PNISR: variants seen among roughly 807,000 people sequenced by gnomAD.
The protein encoded by PNISR is PNN interacting serine and arginine rich protein, also known as arginine/serine-rich protein PNISR.
In PNISR, 20 loss-of-function variants were observed where a neutral mutation model predicts 93.4. The ratio of observed to expected loss-of-function variants is 0.21; its 90% CI spans 0.15 to 0.31. PNISR has a LOEUF of 0.31. Among genes scored for constraint, PNISR ranks in the 10% least tolerant of loss-of-function variants. The pLI, the probability that PNISR is intolerant of heterozygous loss-of-function variation, is 1.00. For synonymous variants in PNISR, 305 were observed against 306.5 expected, an observed-to-expected ratio of 0.99 and a Z score of 0.05; for missense variants, 893 against 985.4, an observed-to-expected ratio of 0.91 and a Z score of 1.25.
At chr6:99,401,922 A>G (rs1775553652) in intron 11 of PNISR, among the ~76,000 whole-genome samples, 1 of 152,210 alleles carries the variant, frequency 6.6e-6, no homozygotes, top group Admixed American at 6.5e-5. Context: ...ATTTATACCC[A>G]CAGCACATGC....
chr6:99,404,731 C>A, intron 8 of PNISR, 29 bp from the exon 9 acceptor site: 1 of 1,110,276 alleles, frequency 9.0e-7, no homozygotes, highest in South Asian at 1.3e-5. Context: ...TACAGTATTT[C>A]TAATTATTAT....
chr6:99,404,437 A>G, intron 9 of PNISR, 166 bp downstream of exon 9: 1 of 650,880 alleles, frequency 1.5e-6, no homozygotes. Flanking sequence ...AAATATTTGT[A>G]TAGCTTTAAT....
chr6:99,403,936 T>G, intron 9 of PNISR, 54 bp from the exon 10 acceptor site: 1 of 1,293,776 alleles, frequency 7.7e-7, no homozygotes, highest in African/African-American at 1.5e-5. Flanking sequence ...AGCCACGATT[T>G]CATAGTCATG....
At chr6:99,405,260 T>C (rs868133888) in intron 8 of PNISR, among the ~76,000 whole-genome samples, 1 of 152,120 alleles carries the variant, frequency 6.6e-6, no homozygotes, top group Middle Eastern at 3.4e-3. Flanking sequence ...AGGTCAGGTG[T>C]TCGACACCAG....
intron 3 of PNISR, 140 bp from the exon 4 acceptor site, chr6:99,412,879 T>A (rs543892866): frequency 8.3e-5 from 40 of 482,818 alleles, no homozygotes; most frequent in East Asian, 2.3e-4. Context: ...ATTAGAAAAA[T>A]TTTTTTTGAA....
At chr6:99,414,899 A>G (rs1777467850) in intron 2 of PNISR, 1 of 313,570 alleles carries the variant, frequency 3.2e-6, no homozygotes, top group Non-Finnish European at 5.7e-6. Context: ...GGTGGCAAGC[A>G]TAACACAATG....
In PNISR at chr6:99,402,573, CTTT is replaced by C; in HGVS notation, c.1291_1293del (p.Lys431del). On this transcript the variant is annotated inframe_deletion, in exon 11 of 12. Coordinates refer to ENST00000369239, the MANE Select transcript of PNISR (RefSeq NM_032870.4). ...TGTTTATCATGTAATAGCTGCTGTT[CTTT>C]TTCTTTTCTCCAAAAAGCTTCCTGT... 1 of 1,613,396 alleles carries C rather than the reference CTTT, an allele frequency of 6.2e-7. No homozygotes were observed. The highest frequency in any genetic ancestry group is 1.1e-5 in the South Asian group (1 of 91,010).
intron 1 of PNISR, among the ~76,000 whole-genome samples, chr6:99,416,758 ATTAAC>A (rs1476486978): frequency 1.3e-5 from 2 of 152,234 alleles, no homozygotes; most frequent in Non-Finnish European, 2.9e-5. Flanking sequence ...TCCACCTATT[ATTAAC>A]TTAGATGATA....
chr6:99,406,106 G>T lies in PNISR; in HGVS notation c.927C>A (p.Thr309=). ...CTTGAGGAACTGGGGATGGACTTCT[G>T]GTGACTTTCCCACTACTTGCAGCCT... ...NVEAASSGKV[T]RSPSPVPQEE... Residue 309 remains threonine, a synonymous_variant, in exon 8 of 12, where the codon ACC becomes ACA. Transcript: ENST00000369239. 6.2e-7 allele frequency: 1 copy of T among 1,608,454 alleles called. No homozygotes were observed. Among genetic ancestry groups the T allele is most frequent in the Non-Finnish European group, 8.5e-7 (1 of 1,174,932 alleles).
chr6:99,407,202 C>T (rs920415780), intron 7 of PNISR, among the ~76,000 whole-genome samples: 1 of 151,526 alleles, frequency 6.6e-6, no homozygotes, highest in African/African-American at 2.4e-5. Flanking sequence ...CGCCTGTAGC[C>T]CTAGCTACTT....
chr6:99,422,037 T>C (rs1250535602), intron 1 of PNISR, among the ~76,000 whole-genome samples: 1 of 152,020 alleles, frequency 6.6e-6, no homozygotes, highest in African/African-American at 2.4e-5. Flanking sequence ...GGATAATGTT[T>C]GTATTTTTTA....
intron 7 of PNISR, among the ~76,000 whole-genome samples, chr6:99,407,704 C>A (rs1325395698): frequency 6.6e-6 from 1 of 152,126 alleles, no homozygotes; most frequent in Non-Finnish European, 1.5e-5. Context: ...CAAAAACAAT[C>A]AAAATTATTA....
rs751116052 is a variant in PNISR, at chr6:99,409,166, T to C, written c.673+7A>G. The C allele has an allele frequency of 1.2e-6, 2 of 1,611,426 alleles. No individual in the cohort carries two copies. Among genetic ancestry groups the C allele is most frequent in the Non-Finnish European group, 1.7e-6 (2 of 1,177,782 alleles). ...TTGTGGTCCACTAAACTAAGTTAAATAGCTACCAATTTGTGGAGGCTCCTG... is the reference window on the plus strand; with the variant it reads ...TTGTGGTCCACTAAACTAAGTTAAACAGCTACCAATTTGTGGAGGCTCCTG... On this transcript the variant is annotated splice_region_variant and intron_variant, in intron 6 of 11. Transcript: ENST00000369239.
chr6:99,423,475 T>TG (rs946503667), intron 1 of PNISR, among the ~76,000 whole-genome samples: 1 of 151,810 alleles, frequency 6.6e-6, no homozygotes, highest in Non-Finnish European at 1.5e-5. Flanking sequence ...TAAAAAGGGG[T>TG]GGGGGAAGTA....
intron 8 of PNISR, among the ~76,000 whole-genome samples, chr6:99,405,403 G>A (rs1776031867): frequency 6.6e-6 from 1 of 152,104 alleles, no homozygotes; most frequent in Non-Finnish European, 1.5e-5. Context: ...GGAGGCAGAG[G>A]TTGCAGTGAG....
chr6:99,411,728 C>G (rs1304971186), intron 4 of PNISR: 1 of 154,230 alleles, frequency 6.5e-6, no homozygotes, highest in Non-Finnish European at 1.4e-5. Context: ...AATCCTCCCA[C>G]CTCAGCCTCC....
chr6:99,412,838 A>C (rs1295367774), intron 3 of PNISR, 99 bp from the exon 4 acceptor site: 37 of 756,122 alleles, frequency 4.9e-5, no homozygotes, highest in Non-Finnish European at 6.4e-5. Context: ...CTTAGATCTT[A>C]AATATTTCAG....
At chr6:99,424,522 G>GT (rs1335766125) in intron 1 of PNISR, among the ~76,000 whole-genome samples, 1 of 152,060 alleles carries the variant, frequency 6.6e-6, no homozygotes, top group Admixed American at 6.5e-5. Flanking sequence ...GGTTGCTGTT[G>GT]TTTTCGCCCT....
At chr6:99,403,984 T>C (rs1270653417) in intron 9 of PNISR, 102 bp from the exon 10 acceptor site, 1 of 742,584 alleles carries the variant, frequency 1.3e-6, no homozygotes, top group Non-Finnish European at 2.3e-6. Flanking sequence ...TATTGCTGCT[T>C]TTTGGGGAGA....
Sources: gnomAD v4.1 joint callset for allele counts (sites outside exome capture counted in the v4.1 genomes callset) on GRCh38, gnomAD v4.1.1 for gene constraint, MANE v1.5 for transcripts, NCBI Gene and HGNC (gene_info 2026-07-23, HGNC 2026-07-21) for gene names.